Variants in RBBP6 observed in about 807,000 individuals in gnomAD.
The protein encoded by RBBP6 is RB binding protein 6, ubiquitin ligase.
A neutral mutation model predicts 167.7 loss-of-function variants in RBBP6; 25 were observed. The observed-to-expected ratio is 0.15, with a 90% CI of 0.11 to 0.21. The LOEUF (loss-of-function observed/expected upper bound fraction) is 0.21, where lower values mean the gene tolerates loss of function less well. RBBP6 is among the 10% of genes least tolerant of loss of function. The pLI, the probability that RBBP6 is intolerant of heterozygous loss-of-function variation, is 1.00. For missense variants in RBBP6, 1,868 were observed against 2,134.2 expected (o/e 0.88, Z 2.46); for synonymous variants, 789 against 735.8 (o/e 1.07, Z -1.17).
chr16:24,551,485 A>G (rs1898793536), intron 3 of RBBP6, among the ~76,000 whole-genome samples: 1 of 151,798 alleles, frequency 6.6e-6, no homozygotes, highest in African/African-American at 2.4e-5. Flanking sequence ...TTCTTTGTGG[A>G]CTATAAGATA....
chr16:24,541,197 AAAAAAACC>A (rs1258545190), intron 1 of RBBP6, among the ~76,000 whole-genome samples: 10 of 133,482 alleles, frequency 7.5e-5, no homozygotes, highest in Admixed American at 2.3e-4. Flanking sequence ...AAAAAACAAA[AAAAAAACC>A]AAAAAAACAA....
chr16:24,547,862 AT>A (rs1323366261), intron 2 of RBBP6, among the ~76,000 whole-genome samples: 1 of 152,168 alleles, frequency 6.6e-6, no homozygotes, highest in Non-Finnish European at 1.5e-5. Flanking sequence ...TTTTCTGTAG[AT>A]TTTTTGATAG....
In RBBP6 at chr16:24,570,302, G is replaced by A. The variant is rs368765492; in HGVS notation, c.3612G>A (p.Ala1204=). ...TPEKDKISLS[A]PAKKIKLNRE... ...AAAAGGACAAAATTTCTTTAAGTGC[G>A]CCAGCCAAAAAAATCAAACTCAACA... The change falls in exon 17 of 18, where the codon GCG becomes GCA. Residue 1204 remains alanine (A), a synonymous_variant. Transcript: ENST00000319715. The A allele has an allele frequency of 4.3e-5, 70 of 1,609,658 alleles. No homozygotes were observed. The Admixed American group carries it at 6.8e-4, about 16-fold the overall frequency.
intron 14 of RBBP6, among the ~76,000 whole-genome samples, chr16:24,565,777 A>AGAGT: frequency 6.6e-6 from 1 of 152,300 alleles, no homozygotes; most frequent in Non-Finnish European, 1.5e-5. Context: ...CTTCATAACA[A>AGAGT]GAGTTTTGGC....
chr16:24,569,715 A>G lies in RBBP6; in HGVS notation c.3025A>G (p.Arg1009Gly). 3 of 1,614,140 alleles carry G rather than the reference A, an allele frequency of 1.9e-6. No individual in the cohort carries two copies. Among genetic ancestry groups the G allele is most frequent in the Non-Finnish European group, 2.5e-6 (3 of 1,180,034 alleles). ...KSVSEKDKRERDKPKAKGDKT... is the reference protein window; with the variant it reads ...KSVSEKDKREGDKPKAKGDKT... ...AGTGTCTGAAAAAGACAAGAGAGAAAGGGATAAACCAAAAGCAAAGGGTGA... is the reference window on the plus strand; with the variant it reads ...AGTGTCTGAAAAAGACAAGAGAGAAGGGGATAAACCAAAAGCAAAGGGTGA... The change falls in exon 17 of 18, where the codon AGG (arginine) becomes GGG (glycine). Residue 1009 changes from arginine to glycine, a missense_variant. By Grantham distance (125) the Arg-to-Gly change is moderately radical. Transcript: ENST00000319715.
intron 16 of RBBP6, 87 bp from the exon 17 acceptor site, chr16:24,568,658 T>G: frequency 2.0e-6 from 3 of 1,470,496 alleles, no homozygotes; most frequent in Non-Finnish European, 2.7e-6. Flanking sequence ...GATGAAACCG[T>G]GAGGAAAGAA....
At chr16:24,562,458 T>C (rs1401465661) in intron 10 of RBBP6, among the ~76,000 whole-genome samples, 3 of 152,198 alleles carry the variant, frequency 2.0e-5, no homozygotes, top group Non-Finnish European at 4.4e-5. Context: ...GGTGGGAGAA[T>C]TCACTTGTGA....
rs753833733 is a variant in RBBP6 at position 24,572,401 on chromosome 16, GAGA to G, written c.5338_5340del (p.Lys1780del). 2.1e-5 allele frequency: 32 copies of G among 1,539,188 alleles called. No individual in the cohort carries two copies. Among genetic ancestry groups the G allele is most frequent in the African/African-American group, 9.8e-5 (7 of 71,750 alleles). Reference sequence around the variant, plus strand: ...AAAGAAGAACAAAGATAAAGAGAAGGAGAAGGAGAAAGATGACCAAAAAGTGAA... The same window carrying G: ...AAAGAAGAACAAAGATAAAGAGAAGGAGGAGAAAGATGACCAAAAAGTGAA... On this transcript the variant is annotated inframe_deletion, in exon 18 of 18. Transcript: ENST00000319715.
Position 24,558,404 on chromosome 16 carries a change from TTC to T in RBBP6, c.675-1095_675-1094del, listed in dbSNP as rs553049247. ...TTTTTCTTTTTTTTTTTTTTCTTTT[TTC>T]TCTCTTTTGGGCAGTGGGAGACTCC... On this transcript the variant is annotated intron_variant, in intron 7 of 17. Coordinates refer to ENST00000319715, the MANE Select transcript of RBBP6 (RefSeq NM_006910.5). The T allele has an allele frequency of 5.0e-5, 44 of 873,872 alleles. No homozygotes were observed. In the South Asian group the frequency reaches 1.5e-3, roughly 30 times the overall value. 54.1% of individuals were successfully genotyped at this position (873,872 alleles called of 1,614,324 possible).
At chr16:24,549,786 T>A (rs1294125486) in intron 3 of RBBP6, among the ~76,000 whole-genome samples, 1 of 152,034 alleles carries the variant, frequency 6.6e-6, no homozygotes, top group Non-Finnish European at 1.5e-5. Flanking sequence ...TTAAAATATT[T>A]CCCTCTTATA....
At chr16:24,548,403 C>T (rs1898715318) in intron 2 of RBBP6, among the ~76,000 whole-genome samples, 1 of 151,146 alleles carries the variant, frequency 6.6e-6, no homozygotes, top group South Asian at 2.1e-4. Flanking sequence ...AAGTGATCCT[C>T]TCACCTTGGC....
In RBBP6 at chr16:24,553,558, G is replaced by GTATATA; in HGVS notation, c.348+13_348+18dup. 1 of 1,442,078 alleles carries GTATATA rather than the reference G, an allele frequency of 6.9e-7. No individual in the cohort carries two copies. The highest frequency in any genetic ancestry group is 9.4e-7 in the Non-Finnish European group (1 of 1,058,318). 89.3% of individuals were successfully genotyped at this position (1,442,078 alleles called of 1,614,324 possible). ...TATTTCTCTGGCCCAGCTTACAAAG[G>GTATATA]TATATATATATATATATTCTTGAAA... On this transcript the variant is annotated splice_donor_variant, in intron 4 of 17. Transcript: ENST00000319715. LOFTEE classifies it high-confidence loss of function.
At position 24,572,617 on chromosome 16, in the gene RBBP6, T is replaced by C; in HGVS notation, c.*172T>C. 1 of 937,610 alleles carries C rather than the reference T, an allele frequency of 1.1e-6. No homozygotes were observed. The highest frequency in any genetic ancestry group is 2.0e-5 in the South Asian group (1 of 49,066). The allele number at this position is 937,610 out of a possible 1,614,324, so 58.1% of individuals were successfully genotyped here. A position where few individuals can be genotyped will look rare whatever the true frequency, so the allele number is the denominator to read the frequency against. On this transcript the variant is annotated 3_prime_UTR_variant, in exon 18 of 18. Transcript: ENST00000319715. ...CATCAGAGCTTTATAACACGAACTTTTGTACAGAATTGTGAGTTGTGACCA... is the reference window on the plus strand; with the variant it reads ...CATCAGAGCTTTATAACACGAACTTCTGTACAGAATTGTGAGTTGTGACCA...
chr16:24,563,647 T>C lies in RBBP6; in HGVS notation c.1503T>C (p.Gly501=). ...TAAATACTGCTCGTCCAGGTGGTGG[T>C]CGACCAGGCTGGGAACAGTGAGTAG... is the stretch of plus-strand genomic sequence containing the variant. The part of the protein sequence containing the change: ...VRINTARPGG[G]RPGWEHSNKL... The change falls in exon 13 of 18, where the codon GGT becomes GGC. Residue 501 remains glycine (G), a synonymous_variant. Transcript: ENST00000319715. 5.0e-6 allele frequency: 8 copies of C among 1,611,958 alleles called. No homozygotes were observed. The highest frequency in any genetic ancestry group is 6.8e-6 in the Non-Finnish European group (8 of 1,179,626).
intron 1 of RBBP6, among the ~76,000 whole-genome samples, chr16:24,544,214 G>GT (rs771878920): frequency 4.6e-5 from 7 of 152,102 alleles, no homozygotes; most frequent in South Asian, 2.1e-4. Context: ...TTGACACAAA[G>GT]TTTTATTTCT....
At chr16:24,565,949 C>T (rs1899185126) in intron 14 of RBBP6, among the ~76,000 whole-genome samples, 1 of 152,122 alleles carries the variant, frequency 6.6e-6, no homozygotes, top group African/African-American at 2.4e-5. Flanking sequence ...CCTGTGGTCC[C>T]AGCTACCTGG....
intron 1 of RBBP6, among the ~76,000 whole-genome samples, chr16:24,545,223 C>T (rs1164274483): frequency 6.6e-6 from 1 of 152,096 alleles, no homozygotes; most frequent in African/African-American, 2.4e-5. Flanking sequence ...AGGCGCCCAC[C>T]ACCAAACCTT....
rs1282154116 is a variant in RBBP6 at position 24,571,248 on chromosome 16, C to A, written c.4182C>A (p.Asn1394Lys). Reference protein sequence around the residue: ...IIQHEVKSSKNSASSEKGKTK... With the variant: ...IIQHEVKSSKKSASSEKGKTK... The stretch of plus-strand genomic sequence containing the variant: ...AACATGAGGTTAAAAGTTCAAAAAA[C>A]TCTGCATCTAGTGAAAAAGGGAAAA... The change falls in exon 18 of 18, where the codon AAC becomes AAA. Residue 1394 changes from asparagine to lysine, a missense_variant. This residue lies in a region of RBBP6 where 591 missense variants were observed against 540.5 expected (regional missense o/e 1.09). Transcript: ENST00000319715. 4 of 1,612,324 alleles carry A rather than the reference C, an allele frequency of 2.5e-6. No homozygotes were observed. The highest frequency in any genetic ancestry group is 4.5e-5 in the East Asian group (2 of 44,868).
chr16:24,559,396 A>G, intron 7 of RBBP6, 109 bp from the exon 8 acceptor site: 1 of 810,966 alleles, frequency 1.2e-6, no homozygotes, highest in Non-Finnish European at 1.9e-6. Context: ...TGTCTAAACT[A>G]ATTTGGCATT....
Sources: allele counts gnomAD v4.1 joint callset (sites outside exome capture counted in the v4.1 genomes callset), GRCh38; gene constraint gnomAD v4.1.1; regional missense constraint gnomAD v4.1.1; transcripts MANE v1.5; gene names NCBI Gene and HGNC (gene_info 2026-07-23, HGNC 2026-07-21).